Variants in APBB2 observed in about 807,000 individuals in gnomAD.
APBB2 encodes amyloid beta precursor protein binding family B member 2.
In APBB2, 38 loss-of-function variants were observed where a neutral mutation model predicts 82.5. The observed-to-expected ratio is 0.46, with a 90% confidence interval of 0.36 to 0.60. APBB2 has a LOEUF of 0.60. Among genes scored for constraint, APBB2 ranks in the 20% least tolerant of loss-of-function variants. APBB2 has a pLI of 0.00. For synonymous variants in APBB2, 341 were observed against 368.2 expected (o/e 0.93, Z 0.85); for missense variants, 772 against 972.3 (o/e 0.79, Z 2.74).
At chr4:40,913,347 C>T (rs1225478955) in intron 10 of APBB2, among the ~76,000 whole-genome samples, 2 of 152,190 alleles carry the variant, frequency 1.3e-5, no homozygotes, top group African/African-American at 2.4e-5. Flanking sequence ...AACTGTTTGC[C>T]GTAAGCATGC....
intron 6 of APBB2, among the ~76,000 whole-genome samples, chr4:40,974,281 C>G (rs3942767): frequency 0.95 from 144,798 of 152,250 alleles, 69,064 homozygotes; most frequent in Middle Eastern, 0.99. Flanking sequence ...CAGAGGTTAG[C>G]TCTTCAATGT....
At chr4:40,825,583 G>T (rs1453745529) in intron 15 of APBB2, among the ~76,000 whole-genome samples, 1 of 152,246 alleles carries the variant, frequency 6.6e-6, no homozygotes, top group Non-Finnish European at 1.5e-5. Flanking sequence ...CCTCGTTTCA[G>T]AGCAGCGGAG....
Position 41,024,307 on chromosome 4 carries a change from C to A in APBB2, c.19+8929G>T, listed in dbSNP as rs139913092. Among the ~76,000 whole-genome samples, 259 of 152,020 alleles carry A rather than the reference C, an allele frequency of 1.7e-3. 1 individual carries two copies. Among genetic ancestry groups the A allele is most frequent in the African/African-American group, 6.0e-3 (251 of 41,504 alleles). On this transcript the variant is annotated intron_variant, in intron 5 of 17. Coordinates refer to ENST00000508593, the MANE Select transcript of APBB2 (RefSeq NM_004307.2). ...TCATGACAAAGACACCAAAAGCGAT[C>A]AAAACAAATTGACAAGTGGGATCTA...
chr4:41,060,458 C>T (rs1254049066), intron 4 of APBB2, among the ~76,000 whole-genome samples: 2 of 152,146 alleles, frequency 1.3e-5, no homozygotes, highest in East Asian at 1.9e-4. Flanking sequence ...CCCCCTCAGT[C>T]GTGGCTGGCA....
intron 10 of APBB2, among the ~76,000 whole-genome samples, chr4:40,894,325 G>C (rs1180512434): frequency 6.6e-6 from 1 of 151,806 alleles, no homozygotes. Context: ...AGAAATATAA[G>C]TATACGGCTA....
At chr4:41,119,891 A>C (rs901708698) in intron 2 of APBB2, among the ~76,000 whole-genome samples, 3 of 152,266 alleles carry the variant, frequency 2.0e-5, no homozygotes, top group Non-Finnish European at 4.4e-5. Flanking sequence ...AACAAGCATC[A>C]AAAATAAATA....
rs376190493 is a variant in APBB2, at chr4:40,897,153, T to G, written c.1255-3742A>C. Among the ~76,000 whole-genome samples, 31 of 152,218 alleles carry G rather than the reference T, an allele frequency of 2.0e-4. No homozygotes were observed. The East Asian group carries it at 4.2e-3, about 21-fold the overall frequency. On this transcript the variant is annotated intron_variant, in intron 10 of 17. Coordinates refer to ENST00000508593, the MANE Select transcript of APBB2 (RefSeq NM_004307.2). Reference sequence around the variant, plus strand: ...CTAACAGCTCACTGAACACCCAGAGTATCATTCTTAGCTAAAATATGCAAA... The same window carrying G: ...CTAACAGCTCACTGAACACCCAGAGGATCATTCTTAGCTAAAATATGCAAA...
chr4:40,970,213 G>T (rs1448219145), intron 6 of APBB2, among the ~76,000 whole-genome samples: 1 of 152,158 alleles, frequency 6.6e-6, no homozygotes, highest in East Asian at 1.9e-4. Context: ...TGGACATCTT[G>T]GCATGACTAT....
intron 1 of APBB2, among the ~76,000 whole-genome samples, chr4:41,151,773 CT>C (rs1005186186): frequency 1.1e-3 from 150 of 137,624 alleles, no homozygotes; most frequent in Admixed American, 1.5e-3. Context: ...ACATGGTCTT[CT>C]TTTTTTTTTT....
At position 41,013,545 on chromosome 4, in the gene APBB2, A is replaced by G. The variant is rs1193741304; in HGVS notation, c.835+38T>C. The G allele has an allele frequency of 1.9e-6, 3 of 1,564,254 alleles. No homozygotes were observed. In the African/African-American group the frequency reaches 4.1e-5, roughly 22 times the overall value. Reference sequence around the variant, plus strand: ...CCAATAGTTGAAAAGATAAAAAAAAAAAAGTGCCAGCTGAGGCTACGCCTT... The same window carrying G: ...CCAATAGTTGAAAAGATAAAAAAAAGAAAGTGCCAGCTGAGGCTACGCCTT... On this transcript the variant is annotated intron_variant, in intron 6 of 17. Transcript: ENST00000508593.
chr4:40,811,095 TTGATTATCTCCTAACA>T lies in APBB2; in HGVS notation c.*4981_*4996del, dbSNP rs1054993973. Reference sequence around the variant, plus strand: ...AAGTCACAATTTGTTGCCACTTACATTGATTATCTCCTAACATGCATTTGGCACTAAATTATTTTTC... The same window carrying T: ...AAGTCACAATTTGTTGCCACTTACATTGCATTTGGCACTAAATTATTTTTC... On this transcript the variant is annotated 3_prime_UTR_variant, in exon 18 of 18. Transcript: ENST00000508593. The T allele has an allele frequency of 6.6e-6, 1 of 151,810 alleles. No homozygotes were observed. Among genetic ancestry groups the T allele is most frequent in the Non-Finnish European group, 1.5e-5 (1 of 68,034 alleles). The allele number at this position is 151,810 out of a possible 1,614,324, so 9.4% of individuals were successfully genotyped here.
At chr4:40,847,397 G>T (rs1320696642) in intron 12 of APBB2, among the ~76,000 whole-genome samples, 1 of 152,244 alleles carries the variant, frequency 6.6e-6, no homozygotes, top group African/African-American at 2.4e-5. Flanking sequence ...GGGAGGTGGA[G>T]GTTGCAGTGA....
chr4:40,982,387 G>GAAGGAAAGGAAAGGAAAGGA (rs1553894023), intron 6 of APBB2, among the ~76,000 whole-genome samples: 2 of 11,030 alleles, frequency 1.8e-4, no homozygotes, highest in African/African-American at 5.1e-4. Flanking sequence ...AGGAAGGAAG[G>GAAGGAAAGGAAAGGAAAGGA]AAGGAAAGGA....
intron 1 of APBB2, among the ~76,000 whole-genome samples, chr4:41,146,001 G>A (rs1760604986): frequency 6.6e-6 from 1 of 151,912 alleles, no homozygotes; most frequent in African/African-American, 2.4e-5. Flanking sequence ...ACCAGCCTGG[G>A]CAACATAGTG....
At chr4:40,840,583 A>C (rs1755464200) in intron 12 of APBB2, among the ~76,000 whole-genome samples, 1 of 152,132 alleles carries the variant, frequency 6.6e-6, no homozygotes, top group Admixed American at 6.5e-5. Context: ...GGTAAGCTTA[A>C]CTTACTTTCT....
intron 5 of APBB2, 75 bp from the exon 6 acceptor site, chr4:41,014,473 T>A: frequency 3.0e-6 from 4 of 1,337,298 alleles, no homozygotes; most frequent in Non-Finnish European, 4.2e-6. Context: ...AATATTTTTA[T>A]ATAGAAAACT....
chr4:40,833,170 C>A (rs185763105), intron 12 of APBB2, among the ~76,000 whole-genome samples: 2 of 152,360 alleles, frequency 1.3e-5, no homozygotes, highest in South Asian at 2.1e-4. Flanking sequence ...TCTCCCGGCA[C>A]ACAACTCCAA....
chr4:41,146,629 C>T (rs1005381306), intron 1 of APBB2, among the ~76,000 whole-genome samples: 17 of 152,134 alleles, frequency 1.1e-4, no homozygotes, highest in African/African-American at 3.9e-4. Flanking sequence ...TTCTTTGAAA[C>T]ATTGTTTACT....
chr4:41,112,220 A>T (rs192926273), intron 2 of APBB2, among the ~76,000 whole-genome samples: 1 of 152,358 alleles, frequency 6.6e-6, no homozygotes, highest in Non-Finnish European at 1.5e-5. Flanking sequence ...TATTTGCAAG[A>T]AAACACTCCC....
Sources: allele counts gnomAD v4.1 joint callset (sites outside exome capture counted in the v4.1 genomes callset), GRCh38; gene constraint gnomAD v4.1.1; transcripts MANE v1.5; gene names NCBI Gene and HGNC (gene_info 2026-07-23, HGNC 2026-07-21).